The following CDH2 variants were observed in gnomAD, a reference collection of about 807,000 sequenced individuals.
CDH2 encodes cadherin 2.
In CDH2, 17 loss-of-function variants were observed where a neutral mutation model predicts 92.0. The observed-to-expected ratio is 0.18, with a 90% confidence interval of 0.13 to 0.28. CDH2 has a LOEUF of 0.28. Ranked by LOEUF, CDH2 falls within the 10% of genes least tolerant of loss-of-function variation. CDH2 has a pLI of 1.00. For missense variants in CDH2, 862 were observed against 1,133.1 expected (o/e 0.76, Z 3.44); for synonymous variants, 419 against 415.9 (o/e 1.01, Z -0.09).
At chr18:28,097,762 G>A (rs984237838) in intron 2 of CDH2, among the ~76,000 whole-genome samples, 2 of 151,934 alleles carry the variant, frequency 1.3e-5, no homozygotes, top group Non-Finnish European at 2.9e-5. Context: ...GAATACCGAG[G>A]GACATCTGTA....
chr18:28,021,487 AATTT>A (rs1567967682), intron 2 of CDH2, among the ~76,000 whole-genome samples: 1 of 151,922 alleles, frequency 6.6e-6, no homozygotes, highest in Non-Finnish European at 1.5e-5. Flanking sequence ...TTAAACAACA[AATTT>A]ATTATTAGAG....
At chr18:28,095,690 G>A (rs2015119549) in intron 2 of CDH2, among the ~76,000 whole-genome samples, 1 of 151,300 alleles carries the variant, frequency 6.6e-6, no homozygotes, top group African/African-American at 2.4e-5. Flanking sequence ...CACGCTAGTG[G>A]TCCCAGCTGC....
At chr18:27,959,543 A>T (rs2011342590) in intron 15 of CDH2, 1 of 152,194 alleles carries the variant, frequency 6.6e-6, no homozygotes, top group African/African-American at 2.4e-5. Context: ...AAACTCTACA[A>T]GTAAGTATTC....
At chr18:27,935,060 A>T (rs1227603311) in intron 6 of CDH2, among the ~76,000 whole-genome samples, 1 of 152,078 alleles carries the variant, frequency 6.6e-6, no homozygotes, top group African/African-American at 2.4e-5. Context: ...ATGTTTTTGT[A>T]TTATGCTGTT....
At chr18:28,128,995 A>T (rs1291841834) in intron 2 of CDH2, among the ~76,000 whole-genome samples, 1 of 152,192 alleles carries the variant, frequency 6.6e-6, no homozygotes, top group Non-Finnish European at 1.5e-5. Context: ...GCAACCAACA[A>T]CAGGCCACAC....
rs138802356 is a variant in CDH2 at position 28,149,666 on chromosome 18, T to C, written c.61-1882A>G. Reference sequence around the variant, plus strand: ...ATGTAAGAAGAAAAGGAAAACAGCATAGTGATAAACATGAAATTTAGGATA... The same window carrying C: ...ATGTAAGAAGAAAAGGAAAACAGCACAGTGATAAACATGAAATTTAGGATA... On this transcript the variant is annotated intron_variant, in intron 1 of 15. Transcript: ENST00000269141. Among the ~76,000 whole-genome samples, 10 of 152,260 alleles carry C rather than the reference T, an allele frequency of 6.6e-5. No homozygotes were observed. In the East Asian group the frequency reaches 1.3e-3, roughly 21 times the overall value.
chr18:28,022,586 C>T (rs946128387), intron 2 of CDH2, among the ~76,000 whole-genome samples: 1 of 151,934 alleles, frequency 6.6e-6, no homozygotes, highest in Non-Finnish European at 1.5e-5. Context: ...ATAGAAAGTT[C>T]TTTCTTGTCA....
chr18:28,126,080 T>C (rs927912593), intron 2 of CDH2, among the ~76,000 whole-genome samples: 5 of 152,124 alleles, frequency 3.3e-5, no homozygotes, highest in Non-Finnish European at 5.9e-5. Context: ...AAAAATGAGA[T>C]TGTTAAAAGT....
chr18:28,029,686 T>C (rs901795781), intron 2 of CDH2, among the ~76,000 whole-genome samples: 4 of 152,088 alleles, frequency 2.6e-5, no homozygotes, highest in Non-Finnish European at 5.9e-5. Context: ...CCATACACTG[T>C]AACAGGATGG....
chr18:28,005,744 G>A, intron 6 of CDH2, 105 bp downstream of exon 6: 3 of 681,082 alleles, frequency 4.4e-6, no homozygotes, highest in Non-Finnish European at 6.8e-6. Flanking sequence ...GAAAGAAAAG[G>A]ATCCAAAAAG....
At chr18:28,011,727 G>A in intron 4 of CDH2, 119 bp downstream of exon 4, 2 of 932,594 alleles carry the variant, frequency 2.1e-6, no homozygotes, top group East Asian at 2.6e-5. Flanking sequence ...TATCTTTATA[G>A]AAAAACACTT....
Position 28,131,266 on chromosome 18 carries a change from G to C in CDH2, c.172+16407C>G, listed in dbSNP as rs187152372. Among the ~76,000 whole-genome samples the C allele has an allele frequency of 1.6e-3, 238 of 151,352 alleles. 1 individual carries two copies. The highest frequency in any genetic ancestry group is 3.4e-3 in the Middle Eastern group (1 of 294). ...AAAATACTAAAACATACAACTGCTA[G>C]GAACTAAAAAAAAATTATCAGATAG... On this transcript the variant is annotated intron_variant, in intron 2 of 15. Transcript: ENST00000269141.
At chr18:28,060,069 A>AGGGG (rs1286442436) in intron 2 of CDH2, among the ~76,000 whole-genome samples, 1 of 152,096 alleles carries the variant, frequency 6.6e-6, no homozygotes, top group African/African-American at 2.4e-5. Context: ...AGTTCCTATC[A>AGGGG]GGAGTACATA....
chr18:28,160,179 G>A (rs1598517934), intron 1 of CDH2, among the ~76,000 whole-genome samples: 2 of 151,706 alleles, frequency 1.3e-5, no homozygotes, highest in East Asian at 1.9e-4. Flanking sequence ...AAAACAGCAG[G>A]ACCTCAGGAA....
At chr18:28,173,299 A>G (rs2016491061) in intron 1 of CDH2, among the ~76,000 whole-genome samples, 1 of 152,142 alleles carries the variant, frequency 6.6e-6, no homozygotes. Flanking sequence ...CCTTTCACCT[A>G]TTAGTAATGA....
At chr18:28,065,910 C>T (rs2014497482) in intron 2 of CDH2, among the ~76,000 whole-genome samples, 1 of 152,162 alleles carries the variant, frequency 6.6e-6, no homozygotes, top group African/African-American at 2.4e-5. Flanking sequence ...ATTGCACTCT[C>T]CCTGGGCTTT....
intron 6 of CDH2, among the ~76,000 whole-genome samples, chr18:27,942,307 A>G (rs1909157934): frequency 6.6e-6 from 1 of 152,238 alleles, no homozygotes; most frequent in Admixed American, 6.5e-5. Context: ...ATAAAAGGCT[A>G]TAGTGTAACA....
chr18:28,137,005 T>C (rs919855680), intron 2 of CDH2, among the ~76,000 whole-genome samples: 2 of 152,148 alleles, frequency 1.3e-5, no homozygotes, highest in African/African-American at 4.8e-5. Context: ...CTTTGAGTTA[T>C]TTCCTACACT....
chr18:28,057,644 G>C (rs1222242641), intron 2 of CDH2, among the ~76,000 whole-genome samples: 1 of 151,338 alleles, frequency 6.6e-6, no homozygotes, highest in Non-Finnish European at 1.5e-5. Context: ...TGCAGCCTGG[G>C]TGACAGGGCA....
Sources: gnomAD v4.1 joint callset for allele counts (sites outside exome capture counted in the v4.1 genomes callset) on GRCh38, gnomAD v4.1.1 for gene constraint, MANE v1.5 for transcripts, NCBI Gene and HGNC (gene_info 2026-07-23, HGNC 2026-07-21) for gene names.